The following ALCAM variants were observed in gnomAD, a reference collection of about 807,000 sequenced individuals.
The protein encoded by ALCAM is CD166 antigen.
ALCAM carries 30 observed loss-of-function variants against 70.9 expected under a neutral mutation model. The observed-to-expected ratio is 0.42, with a 90% CI of 0.32 to 0.57. The LOEUF is 0.57. Ranked by LOEUF, ALCAM falls within the 20% of genes least tolerant of loss-of-function variation. The pLI is 0.11. For synonymous variants in ALCAM, 249 were observed against 242.5 expected, an observed-to-expected ratio of 1.03 and a Z score of -0.25; for missense variants, 591 against 695.1, an observed-to-expected ratio of 0.85 and a Z score of 1.68.
chr3:105,432,872 A>G (rs1936967894), intron 1 of ALCAM, among the ~76,000 whole-genome samples: 2 of 152,172 alleles, frequency 1.3e-5, no homozygotes, highest in African/African-American at 4.8e-5. Flanking sequence ...AAGGATTTAT[A>G]TACACTCTTG....
chr3:105,494,578 T>C (rs1404854922), intron 1 of ALCAM, among the ~76,000 whole-genome samples: 1 of 152,118 alleles, frequency 6.6e-6, no homozygotes, highest in East Asian at 1.9e-4. Flanking sequence ...ACAACAATTC[T>C]TTCTTGCTTT....
At chr3:105,545,370 G>T in intron 9 of ALCAM, 35 bp downstream of exon 9, 1 of 1,490,266 alleles carries the variant, frequency 6.7e-7, no homozygotes. Context: ...CTGCTGTTTG[G>T]TTTGATTTCT....
At chr3:105,476,242 A>G (rs1938104811) in intron 1 of ALCAM, among the ~76,000 whole-genome samples, 1 of 151,960 alleles carries the variant, frequency 6.6e-6, no homozygotes, top group South Asian at 2.1e-4. Context: ...TCATCTACCT[A>G]CACTTCCAAT....
At chr3:105,443,357 T>G (rs1276060526) in intron 1 of ALCAM, among the ~76,000 whole-genome samples, 1 of 152,218 alleles carries the variant, frequency 6.6e-6, no homozygotes, top group African/African-American at 2.4e-5. Flanking sequence ...TTCTATTCAT[T>G]TCCATTGTGT....
At chr3:105,553,188 A>G (rs1038057312) in intron 14 of ALCAM, 1 of 784,420 alleles carries the variant, frequency 1.3e-6, no homozygotes, top group Non-Finnish European at 1.5e-6. Context: ...TAGTTATATG[A>G]TATTACAGAT....
intron 8 of ALCAM, among the ~76,000 whole-genome samples, chr3:105,543,264 G>C (rs1355828951): frequency 6.6e-6 from 1 of 151,724 alleles, no homozygotes; most frequent in Non-Finnish European, 1.5e-5. Flanking sequence ...GTGTTTGGCT[G>C]TGATGGGGGA....
intron 3 of ALCAM, chr3:105,531,174 A>G (rs1244389912): frequency 1.3e-5 from 2 of 152,104 alleles, no homozygotes; most frequent in Non-Finnish European, 2.9e-5. Context: ...TTGATAGAAA[A>G]TAGCAGCTAA....
intron 14 of ALCAM, among the ~76,000 whole-genome samples, chr3:105,561,396 G>T (rs1181495037): frequency 3.9e-5 from 6 of 151,954 alleles, no homozygotes; most frequent in Non-Finnish European, 2.9e-5. Context: ...GCACTCATAG[G>T]CACCTCCAAT....
chr3:105,463,400 C>T (rs1937631732), intron 1 of ALCAM, among the ~76,000 whole-genome samples: 1 of 151,416 alleles, frequency 6.6e-6, no homozygotes, highest in Non-Finnish European at 1.5e-5. Context: ...GTCCAGTAAA[C>T]TTTAGTCTAT....
intron 1 of ALCAM, among the ~76,000 whole-genome samples, chr3:105,478,326 A>G (rs943794112): frequency 1.6e-4 from 25 of 152,240 alleles, no homozygotes; most frequent in African/African-American, 6.0e-4. Context: ...TCATGCATAT[A>G]TGATTTGAGG....
chr3:105,552,302 C>A, intron 13 of ALCAM, 120 bp downstream of exon 13: 1 of 1,296,648 alleles, frequency 7.7e-7, no homozygotes, highest in Non-Finnish European at 1.1e-6. Flanking sequence ...ATACCAAAGA[C>A]AAGATAGTAA....
At chr3:105,429,254 T>A in intron 1 of ALCAM, among the ~76,000 whole-genome samples, 1 of 151,988 alleles carries the variant, frequency 6.6e-6, no homozygotes, top group South Asian at 2.1e-4. Context: ...ACACTGGAGT[T>A]CACTGTCAAA....
intron 14 of ALCAM, 41 bp from the exon 15 acceptor site, chr3:105,571,811 G>A (rs1371871573): frequency 2.2e-6 from 3 of 1,356,166 alleles, no homozygotes; most frequent in Admixed American, 1.9e-5. Flanking sequence ...AGTTGAACAT[G>A]TATGTGTCAA....
chr3:105,555,911 TTTGA>T (rs1940505180), intron 14 of ALCAM, among the ~76,000 whole-genome samples: 1 of 151,956 alleles, frequency 6.6e-6, no homozygotes, highest in South Asian at 2.1e-4. Flanking sequence ...CTGAAGGTGC[TTTGA>T]TGACGAGAAT....
At chr3:105,536,621 C>T (rs1242235930) in intron 6 of ALCAM, among the ~76,000 whole-genome samples, 1 of 152,100 alleles carries the variant, frequency 6.6e-6, no homozygotes, top group African/African-American at 2.4e-5. Context: ...GTAAGGTGCA[C>T]TTGTCATGGC....
At chr3:105,476,810 A>G (rs928480284) in intron 1 of ALCAM, among the ~76,000 whole-genome samples, 1 of 152,042 alleles carries the variant, frequency 6.6e-6, no homozygotes, top group Admixed American at 6.6e-5. Context: ...AAATGTTTCA[A>G]ATGTTGATAT....
intron 1 of ALCAM, among the ~76,000 whole-genome samples, chr3:105,405,068 G>A (rs1212547471): frequency 1.3e-5 from 2 of 151,784 alleles, no homozygotes; most frequent in African/African-American, 2.4e-5. Flanking sequence ...ACTTGAGGTC[G>A]GGAATTCGAG....
rs772474173 is a variant in ALCAM at position 105,540,048 on chromosome 3, T to A, written c.804T>A (p.Leu268=). ...NAIKEGDNIT[L]KCLGNGNPPP... ...TCAAAGAAGGGGATAACATCACTCTTAAATGCTTAGGGAATGGCAACCCTC... is the reference window on the plus strand; with the variant it reads ...TCAAAGAAGGGGATAACATCACTCTAAAATGCTTAGGGAATGGCAACCCTC... The change falls in exon 7 of 16, where the codon CTT becomes CTA. Residue 268 remains leucine (L), a synonymous_variant. Transcript: ENST00000306107. The A allele has an allele frequency of 6.2e-7, 1 of 1,612,636 alleles. No homozygotes were observed. The highest frequency in any genetic ancestry group is 1.7e-5 in the Admixed American group (1 of 59,924).
At chr3:105,371,222 TGTA>T (rs1283223851) in intron 1 of ALCAM, among the ~76,000 whole-genome samples, 1 of 152,146 alleles carries the variant, frequency 6.6e-6, no homozygotes, top group Non-Finnish European at 1.5e-5. Flanking sequence ...AATTGTATAT[TGTA>T]GTCAGTATTC....
Sources: gnomAD v4.1 joint callset for allele counts (sites outside exome capture counted in the v4.1 genomes callset) on GRCh38, gnomAD v4.1.1 for gene constraint, MANE v1.5 for transcripts, NCBI Gene and HGNC (gene_info 2026-07-23, HGNC 2026-07-21) for gene names.